The following CPNE4 variants were observed in gnomAD, a reference collection of about 807,000 sequenced individuals.
CPNE4 encodes copine-4.
In CPNE4, 25 loss-of-function variants were observed where a neutral mutation model predicts 67.9. The ratio of observed to expected loss-of-function variants is 0.37; its 90% CI spans 0.27 to 0.51. CPNE4 has a LOEUF of 0.51. Ranked by LOEUF, CPNE4 falls within the 20% of genes least tolerant of loss-of-function variation. The pLI is 0.93. For synonymous variants in CPNE4, 242 were observed against 244.9 expected, an observed-to-expected ratio of 0.99 and a Z score of 0.11; for missense variants, 464 against 690.8, an observed-to-expected ratio of 0.67 and a Z score of 3.68.
intron 2 of CPNE4, among the ~76,000 whole-genome samples, chr3:131,865,773 A>G (rs912322190): frequency 1.3e-5 from 2 of 152,194 alleles, no homozygotes; most frequent in African/African-American, 4.8e-5. Flanking sequence ...GCAGACCTGG[A>G]GAGAGATCCT....
intron 1 of CPNE4, among the ~76,000 whole-genome samples, chr3:131,980,455 T>C (rs527690924): frequency 4.4e-4 from 67 of 152,290 alleles, no homozygotes; most frequent in Non-Finnish European, 8.2e-4. Flanking sequence ...CTTTGAGCTC[T>C]AAATTTTTTT....
intron 3 of CPNE4, among the ~76,000 whole-genome samples, chr3:131,703,631 G>A (rs1266885922): frequency 6.6e-6 from 1 of 152,214 alleles, no homozygotes; most frequent in Admixed American, 6.5e-5. Flanking sequence ...TTTATATTCA[G>A]CTGAACTTTA....
At chr3:131,912,963 C>T (rs987966389) in intron 1 of CPNE4, among the ~76,000 whole-genome samples, 1 of 152,034 alleles carries the variant, frequency 6.6e-6, no homozygotes, top group Admixed American at 6.6e-5. Context: ...AGGCAAACTT[C>T]CCCCAGATAT....
chr3:131,695,871 C>T (rs985664621), intron 5 of CPNE4, among the ~76,000 whole-genome samples: 1 of 152,186 alleles, frequency 6.6e-6, no homozygotes, highest in Non-Finnish European at 1.5e-5. Context: ...TATTATATAT[C>T]ACTTATCACA....
At chr3:131,943,921 C>G (rs945648323) in intron 1 of CPNE4, among the ~76,000 whole-genome samples, 1 of 152,108 alleles carries the variant, frequency 6.6e-6, no homozygotes, top group East Asian at 1.9e-4. Context: ...TTTCTGAGGG[C>G]CTCAGATATC....
At chr3:131,899,399 C>A (rs575175599) in intron 2 of CPNE4, among the ~76,000 whole-genome samples, 1 of 152,198 alleles carries the variant, frequency 6.6e-6, no homozygotes, top group Non-Finnish European at 1.5e-5. Flanking sequence ...TATGAAAAAT[C>A]TCATGATCTT....
At chr3:131,549,821 TCA>T in intron 14 of CPNE4, 124 bp downstream of exon 14, 1 of 1,080,096 alleles carries the variant, frequency 9.3e-7, no homozygotes, top group Non-Finnish European at 1.4e-6. Context: ...GGAGGTTAAG[TCA>T]TTTGTCCAAA....
intron 1 of CPNE4, among the ~76,000 whole-genome samples, chr3:131,986,533 C>A (rs2107643998): frequency 6.6e-6 from 1 of 152,238 alleles, no homozygotes; most frequent in African/African-American, 2.4e-5. Context: ...TAGGCAAGAT[C>A]TGCTTTATTC....
intron 3 of CPNE4, among the ~76,000 whole-genome samples, chr3:131,715,111 AG>A: frequency 6.6e-6 from 1 of 152,194 alleles, no homozygotes; most frequent in Non-Finnish European, 1.5e-5. Flanking sequence ...AATTTTGATA[AG>A]GGATTTTTCA....
chr3:131,730,515 A>G (rs12493548), intron 2 of CPNE4, among the ~76,000 whole-genome samples: 88,868 of 152,008 alleles, frequency 0.58, 26,383 homozygotes, highest in Non-Finnish European at 0.63. Context: ...ATATACCAGT[A>G]TCTTAGAATG....
intron 2 of CPNE4, among the ~76,000 whole-genome samples, chr3:131,796,021 G>A (rs937224365): frequency 6.6e-6 from 1 of 152,130 alleles, no homozygotes; most frequent in African/African-American, 2.4e-5. Context: ...TTCTTCAGTT[G>A]ACATCTCCAA....
At chr3:131,827,029 C>T (rs2085187894) in intron 2 of CPNE4, among the ~76,000 whole-genome samples, 1 of 151,860 alleles carries the variant, frequency 6.6e-6, no homozygotes, top group Admixed American at 6.6e-5. Context: ...GACAGTAAGA[C>T]CTGACTCTAA....
At chr3:131,960,684 C>T (rs571719351) in intron 1 of CPNE4, among the ~76,000 whole-genome samples, 1 of 152,180 alleles carries the variant, frequency 6.6e-6, no homozygotes, top group Non-Finnish European at 1.5e-5. Flanking sequence ...GTCTGAAGAA[C>T]CTCACTGATG....
At position 131,769,065 on chromosome 3, in the gene CPNE4, G is replaced by A. The variant is rs1359660894; in HGVS notation, c.181-45440C>T. ...CATTCCAGCTTGGGTTCATCCATTC[G>A]TGCTGTCAGAAAAACCTATATTTTA... On this transcript the variant is annotated intron_variant, in intron 2 of 15. Transcript: ENST00000429747. Among the ~76,000 whole-genome samples, 10 of 152,196 alleles carry A rather than the reference G, an allele frequency of 6.6e-5. 1 individual carries two copies. The highest frequency in any genetic ancestry group is 3.4e-3 in the Middle Eastern group (1 of 294).
intron 7 of CPNE4, among the ~76,000 whole-genome samples, chr3:131,588,884 C>T (rs1473057672): frequency 6.6e-6 from 1 of 152,128 alleles, no homozygotes; most frequent in Non-Finnish European, 1.5e-5. Flanking sequence ...CAACAGTCTC[C>T]CAGCTTGTCT....
chr3:132,012,024 A>T (rs1357155962), intron 1 of CPNE4, among the ~76,000 whole-genome samples: 2 of 152,160 alleles, frequency 1.3e-5, no homozygotes, highest in Non-Finnish European at 2.9e-5. Context: ...ATAAAGGGAC[A>T]GATAGTACAT....
chr3:131,779,497 T>C (rs1470202349), intron 2 of CPNE4, among the ~76,000 whole-genome samples: 1 of 151,826 alleles, frequency 6.6e-6, no homozygotes, highest in Admixed American at 6.6e-5. Flanking sequence ...CATAGACCAA[T>C]AGAACAGGTT....
intron 1 of CPNE4, among the ~76,000 whole-genome samples, chr3:132,025,038 T>C (rs966894449): frequency 9.2e-5 from 14 of 152,198 alleles, no homozygotes; most frequent in Admixed American, 3.3e-4. Context: ...CCCACTGAGT[T>C]AGAAATTCCA....
chr3:132,031,214 T>C (rs1350008878), intron 1 of CPNE4, among the ~76,000 whole-genome samples: 1 of 152,242 alleles, frequency 6.6e-6, no homozygotes, highest in Non-Finnish European at 1.5e-5. Flanking sequence ...TGTGACATTT[T>C]ATTTTGAATG....
Sources: allele counts gnomAD v4.1 joint callset (sites outside exome capture counted in the v4.1 genomes callset), GRCh38; gene constraint gnomAD v4.1.1; transcripts MANE v1.5; gene names NCBI Gene and HGNC (gene_info 2026-07-23, HGNC 2026-07-21).